USP16: variants seen among roughly 807,000 people sequenced by gnomAD.
USP16 encodes the protein ubiquitin carboxyl-terminal hydrolase 16.
USP16 carries 77 observed loss-of-function variants against 95.9 expected under a neutral mutation model. The observed-to-expected ratio is 0.80, with a 90% CI of 0.67 to 0.97. The LOEUF is 0.97. Among genes scored for constraint, USP16 ranks in the 50% least tolerant of loss-of-function variants. The probability of loss-of-function intolerance (pLI) is 0.00; values close to 1 mark genes in which losing one functional copy is unlikely to be tolerated. For missense variants in USP16, 943 were observed against 959.9 expected (o/e 0.98, Z 0.23); for synonymous variants, 303 against 318.2 (o/e 0.95, Z 0.51).
At chr21:29,045,048 ATAT>A (rs1411414862) in intron 13 of USP16, among the ~76,000 whole-genome samples, 1 of 152,160 alleles carries the variant, frequency 6.6e-6, no homozygotes, top group Non-Finnish European at 1.5e-5. Flanking sequence ...TAGATGGAAA[ATAT>A]TATCTCAGTG....
intron 15 of USP16, among the ~76,000 whole-genome samples, chr21:29,049,192 T>C (rs2085376771): frequency 6.6e-6 from 1 of 152,260 alleles, no homozygotes; most frequent in South Asian, 2.1e-4. Flanking sequence ...CTGTTTTGTG[T>C]GTGGCATCTT....
chr21:29,038,898 C>T (rs1005758489), intron 7 of USP16, 128 bp from the exon 8 acceptor site: 35 of 898,262 alleles, frequency 3.9e-5, no homozygotes, highest in Non-Finnish European at 5.1e-5. Context: ...TTTTGATGTA[C>T]ATTTTAAACT....
At position 29,053,872 on chromosome 21, in the gene USP16, G is replaced by A. The variant is rs1568903487; in HGVS notation, c.2264G>A (p.Arg755Lys). ...GTTGTTGAACACAGTGGTACTATGA[G>A]GTCGGGGCATTACACTGCCTATGCC... is the stretch of plus-strand genomic sequence containing the variant. ...YGVVEHSGTM[R>K]SGHYTAYAKA... Residue 755 changes from arginine (R) to lysine (K), a missense_variant, in exon 17 of 18, where the codon AGG becomes AAG. Arg to Lys is a conservative substitution (Grantham distance 26). Coordinates refer to ENST00000399976, the MANE Select transcript of USP16 (RefSeq NM_006447.3). The A allele has an allele frequency of 6.2e-7, 1 of 1,614,234 alleles. No homozygotes were observed. Among genetic ancestry groups the A allele is most frequent in the Non-Finnish European group, 8.5e-7 (1 of 1,180,040 alleles).
Position 29,028,153 on chromosome 21 carries a change from G to A in USP16, c.61+179G>A, listed in dbSNP as rs144699960. Among the ~76,000 whole-genome samples, 1,343 of 140,844 alleles carry A rather than the reference G, an allele frequency of 9.5e-3. 19 individuals are homozygous for A. The highest frequency in any genetic ancestry group is 0.033 in the African/African-American group (1,253 of 38,284). 92.4% of individuals were successfully genotyped at this position (140,844 alleles called of 152,430 possible). A position where few individuals can be genotyped will look rare whatever the true frequency, so the allele number is the denominator to read the frequency against. On this transcript the variant is annotated intron_variant, in intron 2 of 17. Transcript: ENST00000399976. ...TTTTTTTTTTTTGAGAAAGAATCTC[G>A]CTCTGTTGCCCAGGCTGGAGTGCAG...
rs766015231 is a variant in USP16, at chr21:29,039,108, A to T, written c.815A>T (p.Lys272Ile). 1.3e-6 allele frequency: 2 copies of T among 1,586,696 alleles called. No homozygotes were observed. The highest frequency in any genetic ancestry group is 2.7e-5 in the African/African-American group (2 of 73,692). ...TTTCTTAATGAGATGCAAGAGACCA[A>T]AAAGGGGGTTGTGACACCGAAAGAA... is the stretch of plus-strand genomic sequence containing the variant. ...SQFLNEMQETKKGVVTPKELF... is the reference protein window; with the variant it reads ...SQFLNEMQETIKGVVTPKELF... The change falls in exon 8 of 18, where the codon AAA (lysine) becomes ATA (isoleucine). Residue 272 changes from lysine to isoleucine, a missense_variant. By Grantham distance (102) the Lys-to-Ile change is moderately radical. Coordinates refer to ENST00000399976, the MANE Select transcript of USP16 (RefSeq NM_006447.3).
intron 13 of USP16, among the ~76,000 whole-genome samples, chr21:29,044,436 ACTT>A (rs757356817): frequency 7.0e-6 from 1 of 143,204 alleles, no homozygotes; most frequent in Non-Finnish European, 1.5e-5. Flanking sequence ...AGTATATAAA[ACTT>A]CTTCATTCTT....
intron 16 of USP16, among the ~76,000 whole-genome samples, chr21:29,051,829 CAAA>C (rs796173178): frequency 8.9e-6 from 1 of 111,782 alleles, no homozygotes. Context: ...GAAACTCCCT[CAAA>C]AAAAAAAAAA....
intron 13 of USP16, among the ~76,000 whole-genome samples, chr21:29,045,158 A>C (rs2085304466): frequency 6.6e-6 from 1 of 152,186 alleles, no homozygotes; most frequent in Admixed American, 6.5e-5. Context: ...GTTTTTGCTT[A>C]TATTCTTTTC....
chr21:29,025,692 C>T (rs2084976492), intron 1 of USP16: 9 of 977,200 alleles, frequency 9.2e-6, no homozygotes, highest in Non-Finnish European at 9.7e-6. Flanking sequence ...ATTTTTCACC[C>T]TTTTCTTTTT....
chr21:29,030,898 G>A lies in USP16; in HGVS notation c.240+125G>A. 2.6e-6 allele frequency: 3 copies of A among 1,135,144 alleles called. No individual in the cohort carries two copies. The African/African-American group carries it at 4.7e-5, about 18-fold the overall frequency. 70.3% of individuals were successfully genotyped at this position (1,135,144 alleles called of 1,614,324 possible). On this transcript the variant is annotated intron_variant, in intron 3 of 17. Coordinates refer to ENST00000399976, the MANE Select transcript of USP16 (RefSeq NM_006447.3). ...AGTAACATAGATCATGTTCTCTGGA[G>A]AACCAGTTCTGAGATGTGTGTATAG...
rs1436443462 is a variant in USP16, at chr21:29,036,322, T to C, written c.396T>C (p.Gly132=). 6.2e-7 allele frequency: 1 copy of C among 1,613,966 alleles called. No individual in the cohort carries two copies. Among genetic ancestry groups the C allele is most frequent in the South Asian group, 1.1e-5 (1 of 91,068 alleles). ...AGTATTGTAGTTCAAACCAGTTGGGTCAAGTGGTTGATTATGTCAGAAAAC... is the reference window on the plus strand; with the variant it reads ...AGTATTGTAGTTCAAACCAGTTGGGCCAAGTGGTTGATTATGTCAGAAAAC... ...EVQYCSSNQL[G]QVVDYVRKQA... Residue 132 remains glycine (G), a synonymous_variant, in exon 5 of 18, where the codon GGT becomes GGC. Coordinates refer to ENST00000399976, the MANE Select transcript of USP16 (RefSeq NM_006447.3).
At chr21:29,053,665 A>G (rs2085450242) in intron 16 of USP16, 137 bp from the exon 17 acceptor site, 3 of 811,368 alleles carry the variant, frequency 3.7e-6, no homozygotes, top group Non-Finnish European at 5.7e-6. Context: ...GTATGGAGAA[A>G]AGAGTAGACT....
intron 3 of USP16, among the ~76,000 whole-genome samples, chr21:29,033,018 C>A (rs532469368): frequency 6.6e-6 from 1 of 152,046 alleles, no homozygotes; most frequent in Non-Finnish European, 1.5e-5. Flanking sequence ...TTAAAAAAAT[C>A]TGTATGTTAG....
In USP16 at chr21:29,024,709, G is replaced by A. The variant is rs1186798331; in HGVS notation, c.-110G>A. On this transcript the variant is annotated 5_prime_UTR_variant, in exon 1 of 18. Coordinates refer to ENST00000399976, the MANE Select transcript of USP16 (RefSeq NM_006447.3). Reference sequence around the variant, plus strand: ...CGTCGCTCTCAATTCGTCACCAGGAGGAAGACGGAGCTGGCTGCCCAGCCC... The same window carrying A: ...CGTCGCTCTCAATTCGTCACCAGGAAGAAGACGGAGCTGGCTGCCCAGCCC... 1 of 1,289,344 alleles carries A rather than the reference G, an allele frequency of 7.8e-7. No homozygotes were observed. Among genetic ancestry groups the A allele is most frequent in the South Asian group, 1.2e-5 (1 of 81,032 alleles). 79.9% of individuals were successfully genotyped at this position (1,289,344 alleles called of 1,614,324 possible).
intron 2 of USP16, among the ~76,000 whole-genome samples, 192 bp downstream of exon 2, chr21:29,028,166 G>T (rs1430870365): frequency 6.8e-6 from 1 of 147,596 alleles, no homozygotes; most frequent in Non-Finnish European, 1.5e-5. Context: ...CTGTTGCCCA[G>T]GCTGGAGTGC....
chr21:29,043,737 C>T (rs1271943224), intron 13 of USP16, 138 bp downstream of exon 13: 3 of 819,516 alleles, frequency 3.7e-6, no homozygotes, highest in Non-Finnish European at 1.7e-6. Flanking sequence ...GAATTTAGCT[C>T]ATTTAGTATT....
chr21:29,045,950 C>T (rs1197833531), intron 13 of USP16, among the ~76,000 whole-genome samples: 6 of 152,008 alleles, frequency 3.9e-5, no homozygotes, highest in East Asian at 3.9e-4. Flanking sequence ...GGATTACAGG[C>T]GCGCACCACC....
At position 29,039,501 on chromosome 21, in the gene USP16, A is replaced by C. The variant is rs141312121; in HGVS notation, c.884A>C (p.Tyr295Ser). ...VCKKAVRFKG[Y>S]QQQDSQELLR... ...TCTAGAGCAGTGCGGTTTAAAGGCT[A>C]TCAGCAGCAAGACAGCCAGGAGCTG... The change falls in exon 9 of 18, where the codon TAT becomes TCT. Residue 295 changes from tyrosine (Y) to serine (S), a missense_variant. Coordinates refer to ENST00000399976, the MANE Select transcript of USP16 (RefSeq NM_006447.3). 2 of 1,613,286 alleles carry C rather than the reference A, an allele frequency of 1.2e-6. No individual in the cohort carries two copies. The highest frequency in any genetic ancestry group is 2.7e-5 in the African/African-American group (2 of 75,026).
intron 16 of USP16, among the ~76,000 whole-genome samples, chr21:29,050,879 G>T (rs1221312590): frequency 6.6e-6 from 1 of 152,180 alleles, no homozygotes; most frequent in South Asian, 2.1e-4. Flanking sequence ...TTCATATGAC[G>T]TAGGTTACTT....
Sources: gnomAD v4.1 joint callset for allele counts (sites outside exome capture counted in the v4.1 genomes callset) on GRCh38, gnomAD v4.1.1 for gene constraint, MANE v1.5 for transcripts, NCBI Gene and HGNC (gene_info 2026-07-23, HGNC 2026-07-21) for gene names.